PRR5L: variants seen among roughly 807,000 people sequenced by gnomAD.
The protein encoded by PRR5L is proline-rich protein 5-like.
In PRR5L, 21 loss-of-function variants were observed where a neutral mutation model predicts 36.4. That is an observed-to-expected ratio of 0.58 (90% CI 0.41 to 0.83). The LOEUF is 0.83. PRR5L is among the 40% of genes least tolerant of loss of function. The pLI, the probability that PRR5L is intolerant of heterozygous loss-of-function variation, is 0.00. For synonymous variants in PRR5L, 188 were observed against 197.0 expected (o/e 0.95, Z 0.38); for missense variants, 381 against 473.3 (o/e 0.80, Z 1.81).
chr11:36,331,365 G>T (rs1486150783), intron 1 of PRR5L, among the ~76,000 whole-genome samples: 1 of 152,118 alleles, frequency 6.6e-6, no homozygotes, highest in South Asian at 2.1e-4. Context: ...ATTTAGAATT[G>T]CATTTGGAAA....
intron 1 of PRR5L, among the ~76,000 whole-genome samples, chr11:36,330,896 C>T (rs1856711822): frequency 6.6e-6 from 1 of 150,636 alleles, no homozygotes; most frequent in East Asian, 2.0e-4. Context: ...ACCTTCACCT[C>T]CTGGGTTCAA....
chr11:36,411,344 C>T (rs958902561), intron 3 of PRR5L, among the ~76,000 whole-genome samples: 13 of 152,132 alleles, frequency 8.5e-5, no homozygotes, highest in African/African-American at 9.7e-5. Context: ...GACGGTGAGG[C>T]GTGAGATCGC....
At chr11:36,351,274 ATATATATGTATATT>A (rs1171009937) in intron 1 of PRR5L, among the ~76,000 whole-genome samples, 1 of 79,268 alleles carries the variant, frequency 1.3e-5, no homozygotes, top group Admixed American at 2.5e-4. Context: ...TTATATATTT[ATATATATGTATATT>A]TATATATTTA....
At chr11:36,311,902 A>G (rs959381731) in intron 1 of PRR5L, among the ~76,000 whole-genome samples, 4 of 152,226 alleles carry the variant, frequency 2.6e-5, no homozygotes, top group Non-Finnish European at 5.9e-5. Context: ...TTAAATATTA[A>G]TACATTATGG....
At chr11:36,349,548 G>A (rs953827896) in intron 1 of PRR5L, among the ~76,000 whole-genome samples, 4 of 152,200 alleles carry the variant, frequency 2.6e-5, no homozygotes, top group African/African-American at 9.6e-5. Context: ...GGGAAGGAAG[G>A]CGAGGGGCCT....
intron 1 of PRR5L, among the ~76,000 whole-genome samples, chr11:36,351,274 A>ATATATATTT (rs1474616178): frequency 1.3e-5 from 1 of 79,268 alleles, no homozygotes; most frequent in East Asian, 4.6e-4. Context: ...TTATATATTT[A>ATATATATTT]TATATATGTA....
chr11:36,355,133 G>A (rs571633094), intron 1 of PRR5L, among the ~76,000 whole-genome samples: 5 of 152,306 alleles, frequency 3.3e-5, no homozygotes, highest in Non-Finnish European at 7.4e-5. Flanking sequence ...CGTCAGCAGA[G>A]GGAGGTCTCA....
chr11:36,339,522 T>C (rs1856799153), intron 1 of PRR5L, among the ~76,000 whole-genome samples: 1 of 152,284 alleles, frequency 6.6e-6, no homozygotes. Context: ...TTAACTTCTA[T>C]GTGCTAGGCA....
At chr11:36,403,439 G>A in intron 3 of PRR5L, 61 bp downstream of exon 3, 1 of 1,317,626 alleles carries the variant, frequency 7.6e-7, no homozygotes, top group Non-Finnish European at 1.1e-6. Context: ...GGGCATAGGG[G>A]CTACCGCCTT....
intron 3 of PRR5L, among the ~76,000 whole-genome samples, chr11:36,415,512 G>T (rs2133577230): frequency 6.6e-6 from 1 of 152,364 alleles, no homozygotes; most frequent in East Asian, 1.9e-4. Flanking sequence ...GGGAGGCCAA[G>T]GTGGGCAGAT....
Position 36,321,793 on chromosome 11 carries a change from A to G in PRR5L, c.-126+25355A>G, listed in dbSNP as rs372545606. 3.3e-5 allele frequency among the ~76,000 whole-genome samples: 5 copies of G among 152,306 alleles called. No individual in the cohort carries two copies. The East Asian group carries it at 9.6e-4, about 29-fold the overall frequency. ...CTGTGGAGTCTAGATGAAGTGCAAG[A>G]TCAAGGTGCAGCAGGGTTGGTTTCT... On this transcript the variant is annotated intron_variant, in intron 1 of 8. Coordinates refer to ENST00000530639, the MANE Select transcript of PRR5L (RefSeq NM_001160167.2).
intron 1 of PRR5L, among the ~76,000 whole-genome samples, chr11:36,371,853 G>T (rs1235429603): frequency 2.0e-5 from 3 of 152,082 alleles, no homozygotes. Flanking sequence ...GAGGTCAACG[G>T]TTGGAGACCA....
At chr11:36,352,050 A>G (rs1051716079) in intron 1 of PRR5L, among the ~76,000 whole-genome samples, 1 of 151,856 alleles carries the variant, frequency 6.6e-6, no homozygotes, top group Non-Finnish European at 1.5e-5. Context: ...TAGCAGTGTA[A>G]AAAAATTGTT....
In PRR5L at chr11:36,322,398, A is replaced by AAT. The variant is rs1351573285; in HGVS notation, c.-126+25966_-126+25967dup. Among the ~76,000 whole-genome samples, 9 of 152,314 alleles carry AAT rather than the reference A, an allele frequency of 5.9e-5. No individual in the cohort carries two copies. The East Asian group carries it at 1.3e-3, about 23-fold the overall frequency. On this transcript the variant is annotated intron_variant, in intron 1 of 8. Transcript: ENST00000530639. ...GTGAGCCTCCCAAAATGAATTTTATAATATATACAACACCAGAAAACAGAA... is the reference window on the plus strand; with the variant it reads ...GTGAGCCTCCCAAAATGAATTTTATAATATATATACAACACCAGAAAACAGAA...
At chr11:36,403,161 G>A (rs1461660432) in intron 2 of PRR5L, 137 bp from the exon 3 acceptor site, 21 of 629,066 alleles carry the variant, frequency 3.3e-5, no homozygotes, top group African/African-American at 7.5e-5. Context: ...CTGAGGAAAT[G>A]GAGGATGGAT....
chr11:36,401,425 C>G (rs915665524), intron 2 of PRR5L, 140 bp downstream of exon 2: 1 of 756,562 alleles, frequency 1.3e-6, no homozygotes, highest in African/African-American at 1.8e-5. Flanking sequence ...AGCAAATTTT[C>G]TTTTTTTCCT....
intron 1 of PRR5L, among the ~76,000 whole-genome samples, chr11:36,359,887 A>C (rs540951647): frequency 6.6e-6 from 1 of 152,268 alleles, no homozygotes; most frequent in East Asian, 1.9e-4. Flanking sequence ...AAATACAAAA[A>C]TCAGCTGGAC....
intron 1 of PRR5L, among the ~76,000 whole-genome samples, chr11:36,349,285 A>AG (rs2133486720): frequency 6.6e-6 from 1 of 151,168 alleles, no homozygotes; most frequent in South Asian, 2.1e-4. Context: ...CTGCCAAAAA[A>AG]AAAAAAAAAA....
At chr11:36,394,578 GA>G (rs1324015891) in intron 1 of PRR5L, 1 of 152,250 alleles carries the variant, frequency 6.6e-6, no homozygotes, top group Non-Finnish European at 1.5e-5. Context: ...CTCTAGGGGG[GA>G]ATCTGCTTCT....
Sources: gnomAD v4.1 joint callset for allele counts (sites outside exome capture counted in the v4.1 genomes callset) on GRCh38, gnomAD v4.1.1 for gene constraint, MANE v1.5 for transcripts, NCBI Gene and HGNC (gene_info 2026-07-23, HGNC 2026-07-21) for gene names.